Variants in FOLH1 observed in about 807,000 individuals in gnomAD.
The protein encoded by FOLH1 is folate hydrolase 1.
In FOLH1, 54 loss-of-function variants were observed where a neutral mutation model predicts 93.9. The ratio of observed to expected loss-of-function variants is 0.57; its 90% CI spans 0.46 to 0.72. The LOEUF (loss-of-function observed/expected upper bound fraction) is 0.72, where lower values mean the gene tolerates loss of function less well. Among genes scored for constraint, FOLH1 ranks in the 30% least tolerant of loss-of-function variants. The pLI, the probability that FOLH1 is intolerant of heterozygous loss-of-function variation, is 0.00. For synonymous variants in FOLH1, 249 were observed against 303.6 expected (o/e 0.82, Z 1.87); for missense variants, 571 against 892.5 (o/e 0.64, Z 4.59).
Position 49,171,219 on chromosome 11 carries a change from A to G in FOLH1, c.1284T>C (p.Leu428=), listed in dbSNP as rs764328677. 5 of 1,584,672 alleles carry G rather than the reference A, an allele frequency of 3.2e-6. No individual in the cohort carries two copies. Among genetic ancestry groups the G allele is most frequent in the Non-Finnish European group, 3.4e-6 (4 of 1,169,132 alleles). ...FASWDAEEFG[L]LGSTEWAEEN... is the part of the protein sequence containing the mutation. Reference sequence around the variant, plus strand: ...CCTCTGCCCACTCAGTAGAACCAAGAAGACCAAATTCTTCTGCATCCCAGC... The same window carrying G: ...CCTCTGCCCACTCAGTAGAACCAAGGAGACCAAATTCTTCTGCATCCCAGC... Residue 428 remains leucine (L), a synonymous_variant, in exon 11 of 19, where the codon CTT becomes CTC. Transcript: ENST00000256999.
At chr11:49,194,606 A>T (rs542211610) in intron 3 of FOLH1, among the ~76,000 whole-genome samples, 1 of 152,200 alleles carries the variant, frequency 6.6e-6, no homozygotes, top group African/African-American at 2.4e-5. Flanking sequence ...ACACTAGAGG[A>T]AGGTAAAAGT....
chr11:49,171,117 T>C, intron 11 of FOLH1, 78 bp downstream of exon 11: 1 of 1,432,734 alleles, frequency 7.0e-7, no homozygotes, highest in Non-Finnish European at 9.3e-7. Flanking sequence ...ATTCACTTCT[T>C]ATTTTTATGT....
At chr11:49,196,897 A>G (rs1454641550) in intron 3 of FOLH1, among the ~76,000 whole-genome samples, 4 of 152,226 alleles carry the variant, frequency 2.6e-5, no homozygotes, top group Non-Finnish European at 5.9e-5. Context: ...GTGCAGTAAT[A>G]CAAATGGGAG....
At chr11:49,155,818 AT>A (rs1856956751) in intron 15 of FOLH1, among the ~76,000 whole-genome samples, 3 of 133,598 alleles carry the variant, frequency 2.2e-5, no homozygotes, top group Non-Finnish European at 3.3e-5. Context: ...ATATATATAT[AT>A]ATATATATAT....
intron 3 of FOLH1, among the ~76,000 whole-genome samples, chr11:49,195,044 C>T (rs1862475195): frequency 6.6e-6 from 1 of 151,950 alleles, no homozygotes; most frequent in Admixed American, 6.6e-5. Context: ...AGATTTCAGC[C>T]AAATAATAAG....
Position 49,181,762 on chromosome 11 carries a change from A to G in FOLH1, c.920+1387T>C, listed in dbSNP as rs145308608. The stretch of plus-strand genomic sequence containing the variant: ...TTGTGCCTGGTCCTGAATCTTAACC[A>G]ATGCAGTAAATCTTATAGCCCCAAG... On this transcript the variant is annotated intron_variant, in intron 7 of 18. Transcript: ENST00000256999. Among the ~76,000 whole-genome samples the G allele has an allele frequency of 5.9e-3, 895 of 152,184 alleles. 12 individuals are homozygous for G. The highest frequency in any genetic ancestry group is 0.021 in the African/African-American group (856 of 41,528).
intron 15 of FOLH1, among the ~76,000 whole-genome samples, chr11:49,154,910 C>G (rs1212772885): frequency 1.3e-5 from 2 of 151,912 alleles, no homozygotes; most frequent in African/African-American, 4.8e-5. Flanking sequence ...ATTGCTTAAT[C>G]ACTAAAATTC....
At chr11:49,174,021 G>A (rs775628319) in intron 9 of FOLH1, among the ~76,000 whole-genome samples, 24 of 152,148 alleles carry the variant, frequency 1.6e-4, no homozygotes, top group Non-Finnish European at 2.8e-4. Context: ...GCTCTCAGGA[G>A]TGATAAAGCA....
chr11:49,197,139 T>C (rs986291086), intron 3 of FOLH1, among the ~76,000 whole-genome samples: 7 of 152,100 alleles, frequency 4.6e-5, no homozygotes, highest in Admixed American at 3.3e-4. Flanking sequence ...TGAGGTGCAA[T>C]AAAAATCAAT....
At position 49,187,302 on chromosome 11, in the gene FOLH1, G is replaced by T. The variant is rs548792084; in HGVS notation, c.514-533C>A. 3.3e-5 allele frequency among the ~76,000 whole-genome samples: 5 copies of T among 152,144 alleles called. No homozygotes were observed. The East Asian group carries it at 9.7e-4, about 30-fold the overall frequency. On this transcript the variant is annotated intron_variant, in intron 4 of 18. Coordinates refer to ENST00000256999, the MANE Select transcript of FOLH1 (RefSeq NM_004476.3). ...ATATTTGAGTCTCGATATTCTCATTGGCTCAATGATCTGCTAGATTAAATC... is the reference window on the plus strand; with the variant it reads ...ATATTTGAGTCTCGATATTCTCATTTGCTCAATGATCTGCTAGATTAAATC...
rs377754089 is a variant in FOLH1, at chr11:49,192,841, C to T, written c.465G>A (p.Ser155=). The T allele has an allele frequency of 1.6e-5, 26 of 1,604,678 alleles. No homozygotes were observed. Among genetic ancestry groups the T allele is most frequent in the East Asian group, 1.1e-4 (5 of 44,378 alleles). The part of the protein sequence containing the change: ...EPPPPGYENV[S]DIVPPFSAFS... ...AAGCACTGAAAGGTGGTACAATATC[C>T]GAAACATTTTCATATCCTGGAGGAG... The change falls in exon 4 of 19, where the codon TCG becomes TCA. Residue 155 remains serine, a synonymous_variant. Transcript: ENST00000256999.
intron 4 of FOLH1, among the ~76,000 whole-genome samples, chr11:49,188,005 GC>G (rs1861607623): frequency 1.3e-5 from 2 of 152,146 alleles, no homozygotes; most frequent in South Asian, 2.1e-4. Context: ...ATCCAGCTCT[GC>G]TTTTCACAGA....
In FOLH1 at chr11:49,150,333, C is replaced by T. The variant is rs991074696; in HGVS notation, c.1971-1602G>A. On this transcript the variant is annotated intron_variant, in intron 17 of 18. Transcript: ENST00000256999. ...CTTATAAAATACTATACTGCTCAGGCTTATAAAAGCACAGAAACAGTTGTA... is the reference window on the plus strand; with the variant it reads ...CTTATAAAATACTATACTGCTCAGGTTTATAAAAGCACAGAAACAGTTGTA... Among the ~76,000 whole-genome samples, 41 of 152,018 alleles carry T rather than the reference C, an allele frequency of 2.7e-4. 1 individual carries two copies. The highest frequency in any genetic ancestry group is 9.2e-4 in the African/African-American group (38 of 41,372).
At chr11:49,154,623 G>A in intron 15 of FOLH1, 131 bp from the exon 16 acceptor site, 1 of 1,463,210 alleles carries the variant, frequency 6.8e-7, no homozygotes, top group South Asian at 1.5e-5. Context: ...ATCTCAATAA[G>A]CTACATCCTA....
At position 49,208,533 on chromosome 11, in the gene FOLH1, C is replaced by T. The variant is rs1864235351; in HGVS notation, c.-124G>A. 4.7e-6 allele frequency: 3 copies of T among 641,926 alleles called. No individual in the cohort carries two copies. The highest frequency in any genetic ancestry group is 4.5e-5 in the South Asian group (2 of 43,990). The allele number at this position is 641,926 out of a possible 1,614,324, so 39.8% of individuals were successfully genotyped here. On this transcript the variant is annotated 5_prime_UTR_variant, in exon 1 of 19. Transcript: ENST00000256999. ...CTCACTAATGCCTCGCTTATCAGCCCTGCAGGCTGGAATTCGCTCCAGACC... is the reference window on the plus strand; with the variant it reads ...CTCACTAATGCCTCGCTTATCAGCCTTGCAGGCTGGAATTCGCTCCAGACC...
intron 12 of FOLH1, among the ~76,000 whole-genome samples, chr11:49,164,997 A>T (rs1314534971): frequency 1.3e-5 from 2 of 152,166 alleles, no homozygotes. Context: ...TGCATTTTAC[A>T]TTCTGCCCAA....
At chr11:49,190,152 A>G (rs1190986386) in intron 4 of FOLH1, among the ~76,000 whole-genome samples, 1 of 152,214 alleles carries the variant, frequency 6.6e-6, no homozygotes, top group Admixed American at 6.5e-5. Flanking sequence ...CTTTACCCTT[A>G]ATATAAGTAA....
chr11:49,148,205 T>A (rs1856001401), intron 18 of FOLH1, among the ~76,000 whole-genome samples: 1 of 151,224 alleles, frequency 6.6e-6, no homozygotes, highest in African/African-American at 2.4e-5. Context: ...GGGAAAAGAA[T>A]AAATAAATAT....
At chr11:49,156,836 T>C (rs1204360097) in intron 14 of FOLH1, 29 bp from the exon 15 acceptor site, 2 of 1,608,756 alleles carry the variant, frequency 1.2e-6, no homozygotes, top group African/African-American at 1.3e-5. Context: ...CAGAATTATT[T>C]CAAAGTAATT....
Sources: allele counts gnomAD v4.1 joint callset (sites outside exome capture counted in the v4.1 genomes callset), GRCh38; gene constraint gnomAD v4.1.1; transcripts MANE v1.5; gene names NCBI Gene and HGNC (gene_info 2026-07-23, HGNC 2026-07-21).